The following SLC26A8 variants were observed in gnomAD, a reference collection of about 807,000 sequenced individuals.
SLC26A8 encodes solute carrier family 26 member 8.
SLC26A8 carries 70 observed loss-of-function variants against 105.0 expected under a neutral mutation model. The observed-to-expected ratio is 0.67, with a 90% CI of 0.55 to 0.81. SLC26A8 has a LOEUF of 0.81. SLC26A8 is among the 40% of genes least tolerant of loss of function. SLC26A8 has a pLI of 0.00. For missense variants in SLC26A8, 998 were observed against 1,181.8 expected, an observed-to-expected ratio of 0.84 and a Z score of 2.28; for synonymous variants, 415 against 438.3, an observed-to-expected ratio of 0.95 and a Z score of 0.66.
chr6:35,947,178 G>A (rs984788659), intron 19 of SLC26A8, among the ~76,000 whole-genome samples: 4 of 152,064 alleles, frequency 2.6e-5, no homozygotes, highest in Middle Eastern at 3.4e-3. Flanking sequence ...ATAGGCACGC[G>A]CCAGCATGCC....
intron 2 of SLC26A8, 30 bp downstream of exon 2, chr6:36,019,490 G>T: frequency 1.9e-6 from 3 of 1,600,420 alleles, no homozygotes; most frequent in Non-Finnish European, 2.6e-6. Context: ...TGCCCGGCTC[G>T]GCAGCAGGTG....
intron 11 of SLC26A8, among the ~76,000 whole-genome samples, chr6:35,967,298 C>T (rs1013406122): frequency 1.3e-5 from 2 of 152,148 alleles, no homozygotes; most frequent in African/African-American, 4.8e-5. Flanking sequence ...TACAACCACC[C>T]CAGCTTCAGG....
intron 11 of SLC26A8, among the ~76,000 whole-genome samples, chr6:35,964,987 GGTAGAT>G (rs1333377381): frequency 1.3e-5 from 2 of 149,664 alleles, no homozygotes; most frequent in East Asian, 3.9e-4. Context: ...AAAAGAAAAT[GGTAGAT>G]GTACAAAATT....
At chr6:35,949,938 T>TG (rs1581621638) in intron 19 of SLC26A8, among the ~76,000 whole-genome samples, 1 of 151,942 alleles carries the variant, frequency 6.6e-6, no homozygotes, top group Non-Finnish European at 1.5e-5. Flanking sequence ...CCCAAGTAGC[T>TG]GGGACTACAG....
At chr6:35,976,263 A>C (rs1773018606) in intron 9 of SLC26A8, among the ~76,000 whole-genome samples, 1 of 151,618 alleles carries the variant, frequency 6.6e-6, no homozygotes, top group South Asian at 2.1e-4. Context: ...ATCTCTACTA[A>C]AAATACAAAA....
At position 36,024,503 on chromosome 6, in the gene SLC26A8, C is replaced by A; in HGVS notation, c.-3+1G>T. The A allele has an allele frequency of 2.2e-6, 1 of 445,756 alleles. No individual in the cohort carries two copies. The highest frequency in any genetic ancestry group is 4.5e-6 in the Non-Finnish European group (1 of 223,206). The allele number at this position is 445,756 out of a possible 1,614,324, so 27.6% of individuals were successfully genotyped here. On this transcript the variant is annotated splice_donor_variant, in intron 1 of 19. Coordinates refer to ENST00000490799, the MANE Select transcript of SLC26A8 (RefSeq NM_052961.4). LOFTEE classifies it low-confidence loss of function (5UTR_SPLICE). ...CCAGGCGTCTCCCAGCAGCGGCTCA[C>A]CTGGCTCCTTGGCGGGGGCGGGAGT...
At chr6:36,024,393 C>A (rs995861326) in intron 1 of SLC26A8, 111 bp downstream of exon 1, 1 of 447,020 alleles carries the variant, frequency 2.2e-6, no homozygotes, top group African/African-American at 2.1e-5. Context: ...ACTGAGTGCC[C>A]ACGGCGTGCC....
intron 11 of SLC26A8, among the ~76,000 whole-genome samples, chr6:35,965,552 C>T (rs574121979): frequency 1.3e-5 from 2 of 151,886 alleles, no homozygotes; most frequent in South Asian, 2.1e-4. Context: ...TGTGGTGACG[C>T]ATGCCTGTAA....
chr6:35,982,389 C>A (rs1773309321), intron 7 of SLC26A8, among the ~76,000 whole-genome samples, 186 bp from the exon 8 acceptor site: 1 of 152,214 alleles, frequency 6.6e-6, no homozygotes, highest in African/African-American at 2.4e-5. Flanking sequence ...CATTAGAGAT[C>A]TTCCCTGTTT....
At chr6:35,983,764 C>T (rs1371947790) in intron 7 of SLC26A8, among the ~76,000 whole-genome samples, 3 of 151,878 alleles carry the variant, frequency 2.0e-5, no homozygotes, top group Admixed American at 6.6e-5. Flanking sequence ...CAAGTTGGCC[C>T]GGCTGTTCTT....
At chr6:36,008,011 T>C (rs1302621901) in intron 3 of SLC26A8, among the ~76,000 whole-genome samples, 1 of 151,324 alleles carries the variant, frequency 6.6e-6, no homozygotes, top group Non-Finnish European at 1.5e-5. Flanking sequence ...TCCCAGCTAC[T>C]CGGGAGGCTA....
chr6:35,980,651 C>G (rs1773231248), intron 8 of SLC26A8, among the ~76,000 whole-genome samples: 1 of 152,118 alleles, frequency 6.6e-6, no homozygotes, highest in African/African-American at 2.4e-5. Context: ...CAAGTTGATT[C>G]AGCCATCGTC....
Position 35,955,491 on chromosome 6 carries a change from T to C in SLC26A8, c.1893A>G (p.Lys631=). 3 of 1,614,176 alleles carry C rather than the reference T, an allele frequency of 1.9e-6. No individual in the cohort carries two copies. Among genetic ancestry groups the C allele is most frequent in the African/African-American group, 1.3e-5 (1 of 75,044 alleles). ...TAATGGAGGATGCTTCGGGATCCAGTTTATTTTCAAATCGCTCTGTGTAAA... is the reference window on the plus strand; with the variant it reads ...TAATGGAGGATGCTTCGGGATCCAGCTTATTTTCAAATCGCTCTGTGTAAA... The part of the protein sequence containing the change: ...RILYTERFEN[K]LDPEASSINL... Residue 631 remains lysine, a synonymous_variant, in exon 17 of 20, where the codon AAA becomes AAG. Transcript: ENST00000490799.
intron 8 of SLC26A8, among the ~76,000 whole-genome samples, chr6:35,979,741 C>A (rs1773196743): frequency 6.6e-6 from 1 of 152,090 alleles, no homozygotes; most frequent in South Asian, 2.1e-4. Flanking sequence ...CCTTTCTGTT[C>A]TCTGTAACAG....
At chr6:36,018,211 A>G (rs945366907) in intron 2 of SLC26A8, among the ~76,000 whole-genome samples, 2 of 152,236 alleles carry the variant, frequency 1.3e-5, no homozygotes, top group Non-Finnish European at 2.9e-5. Context: ...TCCTGTGCCA[A>G]TGTTCATGGC....
chr6:35,974,040 G>A (rs909358178), intron 10 of SLC26A8, among the ~76,000 whole-genome samples: 6 of 152,140 alleles, frequency 3.9e-5, no homozygotes, highest in African/African-American at 1.4e-4. Context: ...ACATTGGGCC[G>A]GGCCCGGTGG....
chr6:36,006,838 A>G (rs533544177), intron 3 of SLC26A8, among the ~76,000 whole-genome samples: 1 of 152,364 alleles, frequency 6.6e-6, no homozygotes, highest in South Asian at 2.1e-4. Flanking sequence ...TCAATATTCA[A>G]AAAAATCAAT....
intron 16 of SLC26A8, among the ~76,000 whole-genome samples, chr6:35,957,426 C>CAGAAA (rs1172595650): frequency 1.3e-5 from 2 of 151,112 alleles, no homozygotes; most frequent in South Asian, 4.2e-4. Flanking sequence ...TATTGTATAG[C>CAGAAA]AGAAAAGAAA....
Position 36,012,186 on chromosome 6 carries a change from G to A in SLC26A8, c.328+47C>T. On this transcript the variant is annotated intron_variant, in intron 3 of 19. Coordinates refer to ENST00000490799, the MANE Select transcript of SLC26A8 (RefSeq NM_052961.4). ...TTGTTTACCCTGGGCACGTGGACAA[G>A]GTCTGATACATTGTCTTTGGATGAA... is the stretch of plus-strand genomic sequence containing the variant. The A allele has an allele frequency of 1.9e-6, 3 of 1,586,720 alleles. No homozygotes were observed. The African/African-American group carries it at 4.1e-5, about 22-fold the overall frequency.
Sources: gnomAD v4.1 joint callset for allele counts (sites outside exome capture counted in the v4.1 genomes callset) on GRCh38, gnomAD v4.1.1 for gene constraint, MANE v1.5 for transcripts, NCBI Gene and HGNC (gene_info 2026-07-23, HGNC 2026-07-21) for gene names.